Variants in NPFFR2 observed in about 807,000 individuals in gnomAD.
NPFFR2 encodes the protein neuropeptide FF receptor 2, also known as G-protein coupled receptor 74.
In NPFFR2, 15 loss-of-function variants were observed where a neutral mutation model predicts 13.1. That is an observed-to-expected ratio of 1.15 (90% CI 0.77 to 1.76). The LOEUF is 1.76. NPFFR2 is among the 40% of genes most tolerant of loss of function. The probability of loss-of-function intolerance (pLI) is 0.00; values close to 1 mark genes in which losing one functional copy is unlikely to be tolerated. For missense variants in NPFFR2, 572 were observed against 503.5 expected, an observed-to-expected ratio of 1.14 and a Z score of -1.30; for synonymous variants, 190 against 175.7, an observed-to-expected ratio of 1.08 and a Z score of -0.65.
In NPFFR2 at chr4:72,079,005, G is replaced by A. The variant is rs182227764; in HGVS notation, c.-8+46805G>A. On this transcript the variant is annotated intron_variant, in intron 1 of 3. Coordinates refer to ENST00000308744, the MANE Select transcript of NPFFR2 (RefSeq NM_004885.3). The stretch of plus-strand genomic sequence containing the variant: ...TTATGATAAAACTGTTATTTTGACT[G>A]TAGTCATGGTCAAAGAATCTACATG... Among the ~76,000 whole-genome samples the A allele has an allele frequency of 5.1e-3, 772 of 151,520 alleles. 6 individuals are homozygous for A. The highest frequency in any genetic ancestry group is 0.018 in the African/African-American group (741 of 41,228).
intron 2 of NPFFR2, among the ~76,000 whole-genome samples, chr4:72,133,586 A>T (rs1282487461): frequency 6.6e-6 from 1 of 152,168 alleles, no homozygotes; most frequent in African/African-American, 2.4e-5. Context: ...GAATCTATAA[A>T]TTGCTTTGGG....
chr4:72,038,886 TGA>T (rs1200422545), intron 1 of NPFFR2, among the ~76,000 whole-genome samples: 1 of 148,544 alleles, frequency 6.7e-6, no homozygotes, highest in East Asian at 2.0e-4. Context: ...TTTTAATTCT[TGA>T]TTTTTAAATT....
At chr4:72,091,277 C>T (rs540334779) in intron 1 of NPFFR2, among the ~76,000 whole-genome samples, 2 of 151,962 alleles carry the variant, frequency 1.3e-5, no homozygotes, top group African/African-American at 2.4e-5. Context: ...TCATCAGGGA[C>T]ATTAGTGTGT....
intron 1 of NPFFR2, among the ~76,000 whole-genome samples, chr4:72,048,717 G>T (rs370899118): frequency 7.1e-6 from 1 of 140,342 alleles, no homozygotes; most frequent in Non-Finnish European, 1.6e-5. Context: ...TGGTAATGTG[G>T]TCAAAATGTG....
intron 1 of NPFFR2, among the ~76,000 whole-genome samples, chr4:72,056,937 T>G: frequency 6.6e-6 from 1 of 151,924 alleles, no homozygotes; most frequent in East Asian, 1.9e-4. Flanking sequence ...AGTGGTTTTT[T>G]GTCTGTTTTT....
At chr4:72,079,053 A>AACACACACACACACACACACACACAC (rs59522916) in intron 1 of NPFFR2, among the ~76,000 whole-genome samples, 2 of 139,216 alleles carry the variant, frequency 1.4e-5, no homozygotes, top group South Asian at 2.3e-4. Flanking sequence ...CATAGAACTA[A>AACACACACACACACACACACACACAC]ACACACACAC....
intron 3 of NPFFR2, among the ~76,000 whole-genome samples, chr4:72,146,329 A>C (rs1324918372): frequency 6.6e-6 from 1 of 152,140 alleles, no homozygotes; most frequent in African/African-American, 2.4e-5. Flanking sequence ...GCTTCTTGGA[A>C]ATTGAAGTCT....
chr4:72,147,365 C>T lies in NPFFR2; in HGVS notation c.816C>T (p.Ile272=), dbSNP rs1578488222. 1.2e-6 allele frequency: 2 copies of T among 1,614,144 alleles called. No individual in the cohort carries two copies. The highest frequency in any genetic ancestry group is 1.7e-6 in the Non-Finnish European group (2 of 1,180,028). The part of the protein sequence containing the change: ...WHVVSRKKQK[I]IKMLLIVALL... ...TGGTGTCCAGGAAGAAGCAGAAGAT[C>T]ATTAAGATGCTCCTGATTGTGGCCC... The change falls in exon 4 of 4, where the codon ATC becomes ATT. Residue 272 remains isoleucine (I), a synonymous_variant. Transcript: ENST00000308744.
At chr4:72,089,933 T>G (rs946459590) in intron 1 of NPFFR2, among the ~76,000 whole-genome samples, 1 of 152,110 alleles carries the variant, frequency 6.6e-6, no homozygotes, top group African/African-American at 2.4e-5. Context: ...TAATGTTATC[T>G]TCTAGAATTT....
chr4:72,143,394 G>A (rs1722690211), intron 3 of NPFFR2, among the ~76,000 whole-genome samples: 1 of 152,232 alleles, frequency 6.6e-6, no homozygotes, highest in South Asian at 2.1e-4. Flanking sequence ...CATCCTGTGG[G>A]CAGGAGAATA....
chr4:72,081,372 A>G (rs535758106), intron 1 of NPFFR2, among the ~76,000 whole-genome samples: 1 of 152,284 alleles, frequency 6.6e-6, no homozygotes, highest in East Asian at 1.9e-4. Flanking sequence ...GCTGTAATGT[A>G]TAATTCCTAT....
rs193213084 is a variant in NPFFR2 at position 72,114,815 on chromosome 4, A to G, written c.-7-13770A>G. 3.1e-3 allele frequency among the ~76,000 whole-genome samples: 470 copies of G among 152,242 alleles called. 2 individuals carry two copies. The highest frequency in any genetic ancestry group is 0.011 in the African/African-American group (459 of 41,554). On this transcript the variant is annotated intron_variant, in intron 1 of 3. Coordinates refer to ENST00000308744, the MANE Select transcript of NPFFR2 (RefSeq NM_004885.3). ...TTGATTGTAATGGCTTTATTTTATTATAGCACAAAGGTTACCATAAAGTCT... is the reference window on the plus strand; with the variant it reads ...TTGATTGTAATGGCTTTATTTTATTGTAGCACAAAGGTTACCATAAAGTCT...
chr4:72,143,877 C>A (rs1463045162), intron 3 of NPFFR2, among the ~76,000 whole-genome samples: 1 of 152,178 alleles, frequency 6.6e-6, no homozygotes, highest in African/African-American at 2.4e-5. Context: ...GATGTACTCA[C>A]CATTCTCTCC....
chr4:72,147,100 T>G lies in NPFFR2; in HGVS notation c.551T>G (p.Val184Gly), dbSNP rs149509872. The G allele has an allele frequency of 8.9e-5, 143 of 1,613,944 alleles. No homozygotes were observed. Among genetic ancestry groups the G allele is most frequent in the Admixed American group, 5.0e-5 (3 of 59,988 alleles). Residue 184 changes from valine to glycine, a missense_variant, in exon 4 of 4, where the codon GTG becomes GGG. By Grantham distance (109) the Val-to-Gly change is moderately radical. Transcript: ENST00000308744. ...TCTCCATCTGCAGTAATGTTACATGTGCAAGAAGAAAAATATTACCGAGTG... is the reference window on the plus strand; with the variant it reads ...TCTCCATCTGCAGTAATGTTACATGGGCAAGAAGAAAAATATTACCGAGTG... ...IMSPSAVMLH[V>G]QEEKYYRVRL...
chr4:72,125,958 T>C (rs1722034233), intron 1 of NPFFR2, among the ~76,000 whole-genome samples: 1 of 152,230 alleles, frequency 6.6e-6, no homozygotes, highest in Non-Finnish European at 1.5e-5. Context: ...TTAAATTTTA[T>C]AGCTAAGGAC....
At chr4:72,047,736 G>A (rs1382335837) in intron 1 of NPFFR2, among the ~76,000 whole-genome samples, 2 of 152,116 alleles carry the variant, frequency 1.3e-5, no homozygotes, top group Non-Finnish European at 2.9e-5. Flanking sequence ...AAAAATTATA[G>A]AAATATATGC....
chr4:72,085,141 T>C (rs894580338), intron 1 of NPFFR2, among the ~76,000 whole-genome samples: 40 of 152,158 alleles, frequency 2.6e-4, no homozygotes, highest in African/African-American at 7.7e-4. Flanking sequence ...AAAAGACAGA[T>C]ACCAACAAAT....
chr4:72,135,905 C>G (rs1578479561), intron 2 of NPFFR2, among the ~76,000 whole-genome samples: 1 of 151,882 alleles, frequency 6.6e-6, no homozygotes, highest in Non-Finnish European at 1.5e-5. Context: ...GTGTAATAAT[C>G]ATATTAGGGT....
intron 1 of NPFFR2, among the ~76,000 whole-genome samples, chr4:72,076,006 C>CACACACACACACACACAG (rs746237728): frequency 2.7e-4 from 33 of 122,824 alleles, no homozygotes; most frequent in African/African-American, 1.1e-3. Flanking sequence ...CACACACACA[C>CACACACACACACACACAG]AGAGAGAGAG....
Sources: allele counts gnomAD v4.1 joint callset (sites outside exome capture counted in the v4.1 genomes callset), GRCh38; gene constraint gnomAD v4.1.1; transcripts MANE v1.5; gene names NCBI Gene and HGNC (gene_info 2026-07-23, HGNC 2026-07-21).